The following TMCC1 variants were observed in gnomAD, a reference collection of about 807,000 sequenced individuals.
TMCC1 encodes transmembrane and coiled-coil domain family 1.
A neutral mutation model predicts 52.4 loss-of-function variants in TMCC1; 15 were observed. The observed-to-expected ratio is 0.29, with a 90% CI of 0.19 to 0.44. The LOEUF is 0.44. Among genes scored for constraint, TMCC1 ranks in the 20% least tolerant of loss-of-function variants. The probability of loss-of-function intolerance (pLI) is 1.00; values close to 1 mark genes in which losing one functional copy is unlikely to be tolerated. For missense variants in TMCC1, 503 were observed against 806.0 expected, an observed-to-expected ratio of 0.62 and a Z score of 4.55; for synonymous variants, 279 against 301.9, an observed-to-expected ratio of 0.92 and a Z score of 0.79.
At chr3:129,784,096 A>G (rs1371749938) in intron 4 of TMCC1, among the ~76,000 whole-genome samples, 1 of 152,120 alleles carries the variant, frequency 6.6e-6, no homozygotes, top group Non-Finnish European at 1.5e-5. Flanking sequence ...ATGGGAAGGG[A>G]TGGGAAAAAG....
Position 129,653,166 on chromosome 3 carries a change from T to C in TMCC1, c.1648-1371A>G, listed in dbSNP as rs73863686. On this transcript the variant is annotated intron_variant, in intron 6 of 6. Transcript: ENST00000393238. ...TTTTTAACTGCTGCCTGGCATTTTA[T>C]AGTATGGCTAGGCTATGTTATAATA... Among the ~76,000 whole-genome samples, 1,521 of 152,316 alleles carry C rather than the reference T, an allele frequency of 1.0e-2. 17 individuals are homozygous for C. The highest frequency in any genetic ancestry group is 0.035 in the African/African-American group (1,450 of 41,572).
intron 5 of TMCC1, chr3:129,656,656 C>T (rs1235131125): frequency 6.6e-6 from 1 of 152,056 alleles, no homozygotes; most frequent in Non-Finnish European, 1.5e-5. Context: ...ATTGTCTTAC[C>T]CTTTTTACGA....
intron 4 of TMCC1, among the ~76,000 whole-genome samples, chr3:129,762,793 CTAAATA>C (rs2053720956): frequency 6.6e-6 from 1 of 151,698 alleles, no homozygotes; most frequent in Non-Finnish European, 1.5e-5. Context: ...AAAAAAGTTT[CTAAATA>C]TAAATATATT....
At chr3:129,793,505 C>T (rs2056613687) in intron 4 of TMCC1, among the ~76,000 whole-genome samples, 1 of 152,176 alleles carries the variant, frequency 6.6e-6, no homozygotes, top group Admixed American at 6.5e-5. Context: ...ACAACTGAGC[C>T]ACCAACTGCT....
intron 2 of TMCC1, among the ~76,000 whole-genome samples, chr3:129,838,582 G>A (rs1362681157): frequency 2.6e-5 from 4 of 151,366 alleles, no homozygotes; most frequent in Non-Finnish European, 5.9e-5. Context: ...GTGAAACCCC[G>A]TCTCTACTAA....
At chr3:129,811,124 T>C (rs2057783103) in intron 4 of TMCC1, among the ~76,000 whole-genome samples, 4 of 152,122 alleles carry the variant, frequency 2.6e-5, no homozygotes, top group Non-Finnish European at 5.9e-5. Context: ...CTAAAGCGTA[T>C]TCCTCAGAGC....
At chr3:129,722,476 G>C (rs1270869791) in intron 4 of TMCC1, among the ~76,000 whole-genome samples, 1 of 151,842 alleles carries the variant, frequency 6.6e-6, no homozygotes, top group Admixed American at 6.6e-5. Context: ...GTTGGGGACT[G>C]CTGGTTTAAT....
chr3:129,703,483 C>T (rs1274861125), intron 4 of TMCC1, among the ~76,000 whole-genome samples: 1 of 152,144 alleles, frequency 6.6e-6, no homozygotes, highest in Admixed American at 6.6e-5. Context: ...TGCTAGTCTG[C>T]ACAGGAGACA....
intron 4 of TMCC1, among the ~76,000 whole-genome samples, chr3:129,757,959 GA>G (rs201320339): frequency 6.5e-4 from 98 of 150,560 alleles, no homozygotes; most frequent in African/African-American, 2.3e-3. Context: ...TTAGAAAATG[GA>G]AAAAAAAATC....
chr3:129,809,072 C>T (rs892726898), intron 4 of TMCC1, among the ~76,000 whole-genome samples: 8 of 151,232 alleles, frequency 5.3e-5, no homozygotes, highest in Admixed American at 6.6e-5. Context: ...ACAGTGAAAC[C>T]GCATCTCTAC....
chr3:129,728,995 T>C (rs2050332648), intron 4 of TMCC1, among the ~76,000 whole-genome samples: 1 of 152,226 alleles, frequency 6.6e-6, no homozygotes, highest in Non-Finnish European at 1.5e-5. Flanking sequence ...GTTTCCATTT[T>C]TTAGCAATTG....
chr3:129,781,631 AAT>A (rs2055542208), intron 4 of TMCC1, among the ~76,000 whole-genome samples: 1 of 152,184 alleles, frequency 6.6e-6, no homozygotes, highest in South Asian at 2.1e-4. Flanking sequence ...GCTAGAATAA[AAT>A]GAGTAAAGAG....
chr3:129,875,469 G>A (rs1405065001), intron 2 of TMCC1, among the ~76,000 whole-genome samples: 2 of 134,474 alleles, frequency 1.5e-5, no homozygotes, highest in African/African-American at 2.9e-5. Context: ...TCAGCCTAGG[G>A]GACAGAGGAG....
At chr3:129,656,029 C>T (rs917716491) in intron 5 of TMCC1, among the ~76,000 whole-genome samples, 6 of 152,036 alleles carry the variant, frequency 3.9e-5, no homozygotes, top group Non-Finnish European at 8.8e-5. Context: ...CTGGAAGATC[C>T]GAAGAGTTGG....
At chr3:129,693,097 T>C (rs530500117) in intron 4 of TMCC1, among the ~76,000 whole-genome samples, 4 of 152,316 alleles carry the variant, frequency 2.6e-5, no homozygotes, top group African/African-American at 9.6e-5. Context: ...ATTTGCCTTG[T>C]AAAATATACT....
intron 5 of TMCC1, among the ~76,000 whole-genome samples, chr3:129,662,622 T>C (rs1341653342): frequency 6.6e-6 from 1 of 151,764 alleles, no homozygotes; most frequent in Non-Finnish European, 1.5e-5. Context: ...TGGGCAAGAG[T>C]GAGACTCCAT....
chr3:129,872,311 T>C (rs2060968051), intron 2 of TMCC1, among the ~76,000 whole-genome samples: 1 of 152,132 alleles, frequency 6.6e-6, no homozygotes, highest in African/African-American at 2.4e-5. Context: ...AATGAGACAT[T>C]ACACAGGAAG....
intron 4 of TMCC1, among the ~76,000 whole-genome samples, chr3:129,816,762 G>A (rs958022234): frequency 6.6e-6 from 1 of 152,138 alleles, no homozygotes; most frequent in Non-Finnish European, 1.5e-5. Context: ...AATGGCTCAT[G>A]CTTGTAATCC....
chr3:129,708,492 C>T (rs2048409076), intron 4 of TMCC1, among the ~76,000 whole-genome samples: 1 of 152,176 alleles, frequency 6.6e-6, no homozygotes. Context: ...AATAATTGCC[C>T]TTTCCATAAA....
Sources: gnomAD v4.1 joint callset for allele counts (sites outside exome capture counted in the v4.1 genomes callset) on GRCh38, gnomAD v4.1.1 for gene constraint, MANE v1.5 for transcripts, NCBI Gene and HGNC (gene_info 2026-07-23, HGNC 2026-07-21) for gene names.